Variants in MGARP observed in about 807,000 individuals in gnomAD.
The protein encoded by MGARP is protein MGARP.
In MGARP, 12 loss-of-function variants were observed where a neutral mutation model predicts 11.0. The ratio of observed to expected loss-of-function variants is 1.09; its 90% CI spans 0.70 to 1.77. The LOEUF (loss-of-function observed/expected upper bound fraction) is 1.77, where lower values mean the gene tolerates loss of function less well. Among genes scored for constraint, MGARP ranks in the 40% most tolerant of loss-of-function variants. The pLI is 0.00. For missense variants in MGARP, 283 were observed against 297.8 expected, an observed-to-expected ratio of 0.95 and a Z score of 0.36; for synonymous variants, 110 against 115.4, an observed-to-expected ratio of 0.95 and a Z score of 0.30.
chr4:139,275,659 G>C (rs528198681), intron 1 of MGARP, among the ~76,000 whole-genome samples: 2 of 152,140 alleles, frequency 1.3e-5, no homozygotes, highest in African/African-American at 4.8e-5. Context: ...TGGGTAAGGA[G>C]AAATGACAAA....
At chr4:139,271,418 C>G (rs35354754) in intron 2 of MGARP, among the ~76,000 whole-genome samples, 29,941 of 151,930 alleles carry the variant, frequency 0.2, 3,293 homozygotes, top group African/African-American at 0.3. Flanking sequence ...CCCAGCTGCT[C>G]AGGGGGCCGA....
intron 2 of MGARP, among the ~76,000 whole-genome samples, chr4:139,272,519 A>G (rs1744799262): frequency 1.4e-5 from 2 of 146,378 alleles, no homozygotes; most frequent in Non-Finnish European, 1.5e-5. Context: ...AGATTGCATC[A>G]CTGCACTCCA....
chr4:139,274,194 A>T (rs566246784), intron 2 of MGARP, among the ~76,000 whole-genome samples: 1 of 152,206 alleles, frequency 6.6e-6, no homozygotes, highest in African/African-American at 2.4e-5. Flanking sequence ...ACGACTCTGT[A>T]TGATACTATA....
At chr4:139,274,180 TGAAAC>T (rs1560932387) in intron 2 of MGARP, among the ~76,000 whole-genome samples, 2 of 152,154 alleles carry the variant, frequency 1.3e-5, no homozygotes, top group African/African-American at 4.8e-5. Flanking sequence ...TTTAGGGTGA[TGAAAC>T]GACTCTGTAT....
chr4:139,268,821 AC>A, intron 2 of MGARP, 56 bp from the exon 3 acceptor site: 1 of 1,333,130 alleles, frequency 7.5e-7, no homozygotes, highest in Admixed American at 1.9e-5. Context: ...TTGTCACGCC[AC>A]ATCCAAAGGT....
At position 139,280,148 on chromosome 4, in the gene MGARP, C is replaced by A. The variant is rs368177178; in HGVS notation, c.11G>T (p.Arg4Leu). The A allele has an allele frequency of 9.3e-6, 15 of 1,609,702 alleles. No homozygotes were observed. Among genetic ancestry groups the A allele is most frequent in the Middle Eastern group, 1.6e-4 (1 of 6,064 alleles). Reference sequence around the variant, plus strand: ...CGCCAGAGTCTTGGAGACCGCCCTGCGGAGATACATCGCGCCCGCTGTCCG... The same window carrying A: ...CGCCAGAGTCTTGGAGACCGCCCTGAGGAGATACATCGCGCCCGCTGTCCG... MYL[R>L]RAVSKTLALP... Residue 4 changes from arginine (R) to leucine (L), a missense_variant, in exon 1 of 4, where the codon CGC becomes CTC. Arg to Leu is a moderately radical substitution (Grantham distance 102, BLOSUM62 -2). Coordinates refer to ENST00000398955, the MANE Select transcript of MGARP (RefSeq NM_032623.4).
chr4:139,272,177 A>G (rs1013743434), intron 2 of MGARP, among the ~76,000 whole-genome samples: 1 of 152,084 alleles, frequency 6.6e-6, no homozygotes, highest in Non-Finnish European at 1.5e-5. Flanking sequence ...CTGGCAGATT[A>G]GTAGAGGACA....
At chr4:139,274,461 A>T (rs1744835826) in intron 2 of MGARP, among the ~76,000 whole-genome samples, 3 of 152,040 alleles carry the variant, frequency 2.0e-5, no homozygotes, top group South Asian at 4.2e-4. Context: ...AGATCTATTA[A>T]TTTTTTTAAT....
At chr4:139,274,313 T>C (rs1054692123) in intron 2 of MGARP, among the ~76,000 whole-genome samples, 4 of 152,138 alleles carry the variant, frequency 2.6e-5, no homozygotes, top group Non-Finnish European at 5.9e-5. Context: ...ATATCAATAT[T>C]GGCTTGTCAG....
At chr4:139,269,492 G>A (rs1212833946) in intron 2 of MGARP, among the ~76,000 whole-genome samples, 2 of 152,016 alleles carry the variant, frequency 1.3e-5, no homozygotes, top group Admixed American at 6.6e-5. Flanking sequence ...GCCAGGCATG[G>A]TGGTGGTGCT....
chr4:139,267,967 A>G (rs1263683396), intron 3 of MGARP, among the ~76,000 whole-genome samples: 4 of 152,076 alleles, frequency 2.6e-5, no homozygotes, highest in African/African-American at 9.7e-5. Context: ...TAAAAAATAA[A>G]TTTGCTGGGT....
intron 1 of MGARP, among the ~76,000 whole-genome samples, chr4:139,278,699 A>G (rs952820669): frequency 9.2e-5 from 14 of 152,216 alleles, no homozygotes; most frequent in African/African-American, 2.9e-4. Context: ...CGTTCTCAAC[A>G]GAACAGTCCC....
chr4:139,272,656 T>C (rs538600442), intron 2 of MGARP, among the ~76,000 whole-genome samples: 17 of 151,892 alleles, frequency 1.1e-4, no homozygotes, highest in Admixed American at 9.2e-4. Context: ...CTGCTTCTAG[T>C]TATGACTAAA....
rs1032897669 is a variant in MGARP, at chr4:139,274,493, T to A, written c.186+796A>T. Reference sequence around the variant, plus strand: ...TAATAGTTATATTAATTTTTTTAAATTTTTTTTGGAAACAGAGTCTCACTC... The same window carrying A: ...TAATAGTTATATTAATTTTTTTAAAATTTTTTTGGAAACAGAGTCTCACTC... On this transcript the variant is annotated intron_variant, in intron 2 of 3. Coordinates refer to ENST00000398955, the MANE Select transcript of MGARP (RefSeq NM_032623.4). Among the ~76,000 whole-genome samples, 20 of 151,796 alleles carry A rather than the reference T, an allele frequency of 1.3e-4. No homozygotes were observed. The South Asian group carries it at 3.3e-3, about 25-fold the overall frequency.
At chr4:139,278,323 T>A (rs1283722967) in intron 1 of MGARP, among the ~76,000 whole-genome samples, 2 of 152,100 alleles carry the variant, frequency 1.3e-5, no homozygotes, top group African/African-American at 4.8e-5. Context: ...CTGAAAAAAA[T>A]TATTTTTCAT....
At chr4:139,276,759 A>G (rs1193440669) in intron 1 of MGARP, among the ~76,000 whole-genome samples, 1 of 152,158 alleles carries the variant, frequency 6.6e-6, no homozygotes, top group Non-Finnish European at 1.5e-5. Context: ...CTGAGGCAGG[A>G]GGATCACTTG....
chr4:139,275,085 T>A (rs1462241352), intron 2 of MGARP, among the ~76,000 whole-genome samples: 2 of 152,230 alleles, frequency 1.3e-5, no homozygotes, highest in African/African-American at 4.8e-5. Flanking sequence ...TTCATAATAG[T>A]CTAGCTAATA....
At chr4:139,269,208 T>C (rs1400398094) in intron 2 of MGARP, among the ~76,000 whole-genome samples, 1 of 151,938 alleles carries the variant, frequency 6.6e-6, no homozygotes, top group Non-Finnish European at 1.5e-5. Flanking sequence ...TGAATTATGC[T>C]ACAACCAGAA....
intron 2 of MGARP, among the ~76,000 whole-genome samples, chr4:139,272,690 T>C (rs1361284549): frequency 1.4e-5 from 2 of 141,308 alleles, no homozygotes; most frequent in African/African-American, 2.6e-5. Flanking sequence ...ATATTTCTTT[T>C]TTTTTTTTTT....
Sources: allele counts gnomAD v4.1 joint callset (sites outside exome capture counted in the v4.1 genomes callset), GRCh38; gene constraint gnomAD v4.1.1; transcripts MANE v1.5; gene names NCBI Gene and HGNC (gene_info 2026-07-23, HGNC 2026-07-21).